The following APBB1IP variants were observed in gnomAD, a reference collection of about 807,000 sequenced individuals.
APBB1IP encodes the protein amyloid beta precursor protein binding family B member 1 interacting protein, also known as amyloid beta A4 precursor protein-binding family B member 1-interacting protein.
In APBB1IP, 27 loss-of-function variants were observed where a neutral mutation model predicts 64.9. The ratio of observed to expected loss-of-function variants is 0.42; its 90% CI spans 0.31 to 0.57. APBB1IP has a LOEUF of 0.57. APBB1IP is among the 20% of genes least tolerant of loss of function. The pLI is 0.20. For synonymous variants in APBB1IP, 392 were observed against 331.0 expected, an observed-to-expected ratio of 1.18 and a Z score of -2.00; for missense variants, 812 against 845.5, an observed-to-expected ratio of 0.96 and a Z score of 0.49.
chr10:26,530,509 G>T (rs1564370655), intron 8 of APBB1IP, among the ~76,000 whole-genome samples: 1 of 151,976 alleles, frequency 6.6e-6, no homozygotes, highest in South Asian at 2.1e-4. Context: ...GGCCAACATG[G>T]TGAAACCCCG....
In APBB1IP at chr10:26,527,599, C is replaced by G. The variant is rs16927070; in HGVS notation, c.814-5840C>G. 8.3e-3 allele frequency among the ~76,000 whole-genome samples: 1,238 copies of G among 148,456 alleles called. 11 individuals are homozygous for G. The highest frequency in any genetic ancestry group is 0.029 in the African/African-American group (1,182 of 40,442). On this transcript the variant is annotated intron_variant, in intron 8 of 14. Coordinates refer to ENST00000376236, the MANE Select transcript of APBB1IP (RefSeq NM_019043.4). ...TCAGAATCCCACTGGTTTGCAGAAA[C>G]AGACATTTCCTCTCTCCAGGGTCTG...
At chr10:26,542,184 T>C (rs192623900) in intron 11 of APBB1IP, among the ~76,000 whole-genome samples, 123 of 152,208 alleles carry the variant, frequency 8.1e-4, no homozygotes, top group African/African-American at 2.8e-3. Flanking sequence ...TGAGACCGAG[T>C]CTCACTCTGT....
At chr10:26,485,533 G>A (rs548851893) in intron 2 of APBB1IP, among the ~76,000 whole-genome samples, 1 of 152,326 alleles carries the variant, frequency 6.6e-6, no homozygotes, top group Admixed American at 6.5e-5. Context: ...TTTTCTAAGA[G>A]ATTCTATAAC....
At chr10:26,480,180 C>A (rs1229972528) in intron 2 of APBB1IP, among the ~76,000 whole-genome samples, 1 of 152,126 alleles carries the variant, frequency 6.6e-6, no homozygotes, top group Non-Finnish European at 1.5e-5. Context: ...GATCTAATGT[C>A]CACGAAATGC....
chr10:26,516,186 CAAACAAACA>C (rs1836324269), intron 8 of APBB1IP, among the ~76,000 whole-genome samples: 1 of 152,008 alleles, frequency 6.6e-6, no homozygotes, highest in African/African-American at 2.4e-5. Context: ...AGAAAACAAA[CAAACAAACA>C]AACAGAATCA....
At chr10:26,529,696 G>C (rs976573270) in intron 8 of APBB1IP, among the ~76,000 whole-genome samples, 2 of 151,862 alleles carry the variant, frequency 1.3e-5, no homozygotes, top group Non-Finnish European at 2.9e-5. Context: ...GCTGGAGTGC[G>C]GTGGGATGAT....
intron 14 of APBB1IP, among the ~76,000 whole-genome samples, chr10:26,562,901 G>A (rs1328103663): frequency 6.6e-6 from 1 of 152,184 alleles, no homozygotes; most frequent in Non-Finnish European, 1.5e-5. Context: ...TAATCTTAAA[G>A]TTACATATGC....
At chr10:26,482,138 G>T (rs1835842710) in intron 2 of APBB1IP, among the ~76,000 whole-genome samples, 1 of 152,090 alleles carries the variant, frequency 6.6e-6, no homozygotes, top group Admixed American at 6.5e-5. Flanking sequence ...CACAGTCATT[G>T]TCCTTTTGAT....
chr10:26,451,828 C>T (rs752015242), intron 2 of APBB1IP, among the ~76,000 whole-genome samples: 3 of 152,154 alleles, frequency 2.0e-5, no homozygotes, highest in Non-Finnish European at 4.4e-5. Flanking sequence ...AATCTTCAGT[C>T]AATCCTCAAA....
At chr10:26,532,986 G>T (rs1449798990) in intron 8 of APBB1IP, among the ~76,000 whole-genome samples, 1 of 152,158 alleles carries the variant, frequency 6.6e-6, no homozygotes, top group Non-Finnish European at 1.5e-5. Context: ...CTCTTGATAA[G>T]CCAGAATCCC....
At chr10:26,530,888 A>T (rs1243770628) in intron 8 of APBB1IP, among the ~76,000 whole-genome samples, 1 of 152,154 alleles carries the variant, frequency 6.6e-6, no homozygotes, top group Non-Finnish European at 1.5e-5. Flanking sequence ...GTTACCTAAT[A>T]TGGCTAGTCG....
At chr10:26,441,121 A>G (rs184602995) in intron 2 of APBB1IP, among the ~76,000 whole-genome samples, 1 of 152,298 alleles carries the variant, frequency 6.6e-6, no homozygotes, top group East Asian at 1.9e-4. Context: ...CACAACAGGT[A>G]TCTTCTCAGT....
intron 14 of APBB1IP, among the ~76,000 whole-genome samples, chr10:26,566,244 C>T (rs1466866115): frequency 6.6e-6 from 1 of 152,130 alleles, no homozygotes; most frequent in Non-Finnish European, 1.5e-5. Context: ...CACAGCGAGA[C>T]TCCATCTCTA....
chr10:26,502,342 T>C (rs1044414776), intron 5 of APBB1IP, among the ~76,000 whole-genome samples: 2 of 152,152 alleles, frequency 1.3e-5, no homozygotes, highest in African/African-American at 4.8e-5. Context: ...AATTGTAAGT[T>C]TAAATTTCAG....
At chr10:26,445,125 AAGAAAAGAAAG>A (rs1474108757) in intron 2 of APBB1IP, among the ~76,000 whole-genome samples, 1 of 77,836 alleles carries the variant, frequency 1.3e-5, no homozygotes, top group East Asian at 4.0e-4. Flanking sequence ...GAAAGAAAGA[AAGAAAAGAAAG>A]AAAGAAAGAA....
chr10:26,556,438 T>C (rs919437114), intron 11 of APBB1IP, among the ~76,000 whole-genome samples: 25 of 152,208 alleles, frequency 1.6e-4, no homozygotes, highest in African/African-American at 6.0e-4. Context: ...TTAGAGGTCA[T>C]AGAATCCTCC....
intron 7 of APBB1IP, among the ~76,000 whole-genome samples, chr10:26,512,668 GC>G (rs1204633238): frequency 5.3e-5 from 8 of 152,116 alleles, no homozygotes; most frequent in Non-Finnish European, 8.8e-5. Context: ...GTGCAATGGC[GC>G]AATCACGGGT....
intron 2 of APBB1IP, among the ~76,000 whole-genome samples, chr10:26,457,824 C>T (rs1194489184): frequency 6.6e-6 from 1 of 152,136 alleles, no homozygotes; most frequent in Non-Finnish European, 1.5e-5. Flanking sequence ...GATTAGATAA[C>T]AGGAATAAGT....
intron 4 of APBB1IP, among the ~76,000 whole-genome samples, chr10:26,497,544 C>CT (rs1439899799): frequency 6.6e-6 from 1 of 151,088 alleles, no homozygotes; most frequent in Non-Finnish European, 1.5e-5. Flanking sequence ...GAGCGAGACT[C>CT]TGCCTCAAAA....
Sources: gnomAD v4.1 joint callset for allele counts (sites outside exome capture counted in the v4.1 genomes callset) on GRCh38, gnomAD v4.1.1 for gene constraint, MANE v1.5 for transcripts, NCBI Gene and HGNC (gene_info 2026-07-23, HGNC 2026-07-21) for gene names.